Variants in COL24A1 observed in about 807,000 individuals in gnomAD.
COL24A1 encodes collagen type XXIV alpha 1 chain.
Under a neutral mutation model 253.9 loss-of-function variants are expected in COL24A1, and 224 were observed. The ratio of observed to expected loss-of-function variants is 0.88; its 90% confidence interval spans 0.79 to 0.99. COL24A1 has a LOEUF of 0.99. Ranked by LOEUF, COL24A1 falls within the 50% of genes least tolerant of loss-of-function variation. The pLI is 0.00. For missense variants in COL24A1, 2,131 were observed against 2,068.5 expected (o/e 1.03, Z -0.59); for synonymous variants, 685 against 673.7 (o/e 1.02, Z -0.26).
intron 37 of COL24A1, among the ~76,000 whole-genome samples, chr1:85,850,240 TAATA>T (rs1050844454): frequency 7.2e-5 from 11 of 152,138 alleles, no homozygotes; most frequent in African/African-American, 2.2e-4. Context: ...CTAAAATGGC[TAATA>T]ATTAATCACA....
intron 31 of COL24A1, 49 bp downstream of exon 31, chr1:85,895,809 A>G (rs1296811653): frequency 6.6e-7 from 1 of 1,513,622 alleles, no homozygotes; most frequent in Admixed American, 1.9e-5. Context: ...CCTTTCCCCC[A>G]AAAATGCAGA....
rs560906281 is a variant in COL24A1 at position 86,138,424 on chromosome 1, C to T, written c.121+7695G>A. ...GGTTTGGCTGTGTCCTCACCCAAAT[C>T]TCATCTTGAATTCCCACATGTTGTG... On this transcript the variant is annotated intron_variant, in intron 2 of 59. Transcript: ENST00000370571. 9.2e-5 allele frequency among the ~76,000 whole-genome samples: 14 copies of T among 152,220 alleles called. No individual in the cohort carries two copies. The South Asian group carries it at 2.1e-3, about 23-fold the overall frequency.
intron 47 of COL24A1, among the ~76,000 whole-genome samples, chr1:85,788,737 A>G (rs1669965053): frequency 6.6e-6 from 1 of 152,176 alleles, no homozygotes; most frequent in African/African-American, 2.4e-5. Context: ...TAATCTTTGT[A>G]TAAGGTGTAA....
At chr1:86,108,620 T>TAAAGAAAAAAAAAAAAAAA (rs1491169938) in intron 5 of COL24A1, among the ~76,000 whole-genome samples, 5 of 83,098 alleles carry the variant, frequency 6.0e-5, no homozygotes, top group African/African-American at 2.6e-4. Context: ...CCATCTCTAC[T>TAAAGAAAAAAAAAAAAAAA]AAAAAAAAAA....
At chr1:85,759,221 C>CT (rs1558013952) in intron 55 of COL24A1, among the ~76,000 whole-genome samples, 1 of 152,036 alleles carries the variant, frequency 6.6e-6, no homozygotes, top group African/African-American at 2.4e-5. Flanking sequence ...GAGATGTTGC[C>CT]TTTTTTGTAT....
chr1:86,102,242 G>A (rs182446524), intron 5 of COL24A1, among the ~76,000 whole-genome samples: 1 of 151,860 alleles, frequency 6.6e-6, no homozygotes, highest in Non-Finnish European at 1.5e-5. Context: ...TATCCCCTTT[G>A]TTGTTTCTAA....
At chr1:86,123,246 T>C (rs1232451254) in intron 3 of COL24A1, among the ~76,000 whole-genome samples, 1 of 151,974 alleles carries the variant, frequency 6.6e-6, no homozygotes, top group African/African-American at 2.4e-5. Flanking sequence ...TTACCCATTC[T>C]TAGAGCCTAG....
chr1:85,840,008 TTTACTC>T (rs1340259323), intron 42 of COL24A1, among the ~76,000 whole-genome samples: 1 of 152,178 alleles, frequency 6.6e-6, no homozygotes, highest in Admixed American at 6.5e-5. Context: ...CAAATTTTAA[TTTACTC>T]TTACGTGGAC....
In COL24A1 at chr1:86,126,212, TGCCTG is replaced by T; in HGVS notation, c.122-3_123del. 1 of 1,568,246 alleles carries T rather than the reference TGCCTG, an allele frequency of 6.4e-7. No homozygotes were observed. Among genetic ancestry groups the T allele is most frequent in the South Asian group, 1.2e-5 (1 of 85,944 alleles). ...AGGCCTAGTTGATGAAGAATATCTA[TGCCTG>T]GAAATTTAAAAAAGAGAGAGAGAAA... On this transcript the variant is annotated splice_acceptor_variant and splice_polypyrimidine_tract_variant and coding_sequence_variant and intron_variant, in exon 3 of 60. Coordinates refer to ENST00000370571, the MANE Select transcript of COL24A1 (RefSeq NM_152890.7). LOFTEE classifies it high-confidence loss of function.
chr1:85,975,862 A>G (rs1558866083), intron 20 of COL24A1, among the ~76,000 whole-genome samples: 1 of 152,312 alleles, frequency 6.6e-6, no homozygotes, highest in East Asian at 1.9e-4. Flanking sequence ...CTGAAAACCC[A>G]GATTACAGGA....
In COL24A1 at chr1:86,064,994, T is replaced by C. The variant is rs537241965; in HGVS notation, c.1708-1235A>G. On this transcript the variant is annotated intron_variant, in intron 7 of 59. Transcript: ENST00000370571. The stretch of plus-strand genomic sequence containing the variant: ...TTACACAAAATTCCACAAGTAAAAA[T>C]ATCCACAAAGCTAAGTTTTTTCACT... Among the ~76,000 whole-genome samples, 5 of 152,230 alleles carry C rather than the reference T, an allele frequency of 3.3e-5. No individual in the cohort carries two copies. The East Asian group carries it at 7.7e-4, about 23-fold the overall frequency.
At chr1:86,035,329 T>C (rs901602188) in intron 12 of COL24A1, among the ~76,000 whole-genome samples, 1 of 152,186 alleles carries the variant, frequency 6.6e-6, no homozygotes, top group African/African-American at 2.4e-5. Context: ...CTAACATGGA[T>C]ACTTGAAAGT....
At chr1:86,090,982 A>G (rs1181664096) in intron 6 of COL24A1, among the ~76,000 whole-genome samples, 5 of 152,118 alleles carry the variant, frequency 3.3e-5, no homozygotes, top group Non-Finnish European at 1.5e-5. Flanking sequence ...GGTTTTACTT[A>G]AAATAGTCAC....
At chr1:85,894,130 T>C (rs1482297200) in intron 31 of COL24A1, among the ~76,000 whole-genome samples, 1 of 152,210 alleles carries the variant, frequency 6.6e-6, no homozygotes, top group East Asian at 1.9e-4. Flanking sequence ...CTTTTTTCAG[T>C]TGACTTTTCC....
At chr1:86,150,029 G>C (rs765065542) in intron 1 of COL24A1, among the ~76,000 whole-genome samples, 14 of 152,242 alleles carry the variant, frequency 9.2e-5, no homozygotes, top group Admixed American at 8.5e-4. Flanking sequence ...TTTTTTAGCA[G>C]TATGGATCCC....
intron 12 of COL24A1, chr1:86,045,751 G>A (rs1699855057): frequency 2.8e-6 from 1 of 351,192 alleles, no homozygotes; most frequent in East Asian, 7.8e-5. Context: ...GAAACAAAAT[G>A]TTTGGCTTAT....
At chr1:85,908,543 G>C in intron 27 of COL24A1, 55 bp downstream of exon 27, 2 of 1,000,810 alleles carry the variant, frequency 2.0e-6, no homozygotes, top group Non-Finnish European at 2.9e-6. Flanking sequence ...CAATTTATGA[G>C]TTTAAATTAA....
chr1:86,110,769 CG>C (rs1247381191), intron 5 of COL24A1, among the ~76,000 whole-genome samples: 33 of 152,266 alleles, frequency 2.2e-4, no homozygotes, highest in Admixed American at 1.8e-3. Context: ...GGGCCTCAAC[CG>C]CCTGCCCGCA....
At chr1:85,866,962 C>A (rs2795038) in intron 37 of COL24A1, among the ~76,000 whole-genome samples, 5 of 151,642 alleles carry the variant, frequency 3.3e-5, no homozygotes, top group Admixed American at 3.3e-4. Flanking sequence ...TCTTATACTT[C>A]TGGTTTATCT....
Sources: gnomAD v4.1 joint callset for allele counts (sites outside exome capture counted in the v4.1 genomes callset) on GRCh38, gnomAD v4.1.1 for gene constraint, MANE v1.5 for transcripts, NCBI Gene and HGNC (gene_info 2026-07-23, HGNC 2026-07-21) for gene names.